Variants in UGT2B28 observed in about 807,000 individuals in gnomAD.
The protein encoded by UGT2B28 is UDP-glucuronosyltransferase 2B28.
In UGT2B28, 45 loss-of-function variants were observed where a neutral mutation model predicts 43.6. The ratio of observed to expected loss-of-function variants is 1.03; its 90% CI spans 0.81 to 1.32. The LOEUF is 1.32. Ranked by LOEUF, UGT2B28 falls within the 40% of genes most tolerant of loss-of-function variation. The pLI is 0.00. For missense variants in UGT2B28, 649 were observed against 625.5 expected, an observed-to-expected ratio of 1.04 and a Z score of -0.40; for synonymous variants, 204 against 208.1, an observed-to-expected ratio of 0.98 and a Z score of 0.17.
intron 1 of UGT2B28, 64 bp downstream of exon 1, chr4:69,281,285 A>T (rs183300326): frequency 0.027 from 37,621 of 1,418,928 alleles, 4,924 homozygotes; most frequent in Middle Eastern, 0.094. Flanking sequence ...AGCAGAGCTT[A>T]TATAAAGCCA....
intron 2 of UGT2B28, among the ~76,000 whole-genome samples, chr4:69,284,887 ATT>A (rs1213546775): frequency 1.4e-5 from 2 of 140,400 alleles, no homozygotes; most frequent in African/African-American, 5.5e-5. Context: ...AAAAATGCGT[ATT>A]GTTATTAATT....
In UGT2B28 at chr4:69,289,708, T is replaced by C. The variant is rs768379165; in HGVS notation, c.1046T>C (p.Leu349Pro). 1.9e-6 allele frequency: 3 copies of C among 1,562,192 alleles called. 1 individual carries two copies. The South Asian group carries it at 3.6e-5, about 19-fold the overall frequency. Reference sequence around the variant, plus strand: ...GGGAATAAACCAGATGCCTTAGGTCTCAATACTCGGCTGTATAAGTGGATA... The same window carrying C: ...GGGAATAAACCAGATGCCTTAGGTCCCAATACTCGGCTGTATAAGTGGATA... Reference protein sequence around the residue: ...FDGNKPDALGLNTRLYKWIPQ... With the variant: ...FDGNKPDALGPNTRLYKWIPQ... The change falls in exon 4 of 6, where the codon CTC becomes CCC. Residue 349 changes from leucine to proline, a missense_variant. By Grantham distance (98) the Leu-to-Pro change is moderately conservative. Transcript: ENST00000335568.
At position 69,287,842 on chromosome 4, in the gene UGT2B28, A is replaced by G. The variant is rs1411014555; in HGVS notation, c.1002+959A>G. On this transcript the variant is annotated intron_variant, in intron 3 of 5. Transcript: ENST00000335568. ...ATTACTTTTTAATTTCCTATCTGAT[A>G]AAGCTTTCTTGTAATGACCTCTAAC... Among the ~76,000 whole-genome samples the G allele has an allele frequency of 2.1e-5, 3 of 140,978 alleles. 1 individual carries two copies. Among genetic ancestry groups the G allele is most frequent in the African/African-American group, 5.5e-5 (2 of 36,140 alleles). The allele number at this position is 140,978 out of a possible 152,430, so 92.5% of individuals were successfully genotyped here.
rs751912306 is a variant in UGT2B28 at position 69,294,856 on chromosome 4, T to C, written c.*47T>C. On this transcript the variant is annotated 3_prime_UTR_variant, in exon 6 of 6. Transcript: ENST00000335568. ...GGAAAACCAGATAGATGGGTTGACATCAGTTTATTCCAGCAAGAAAGAAAA... is the reference window on the plus strand; with the variant it reads ...GGAAAACCAGATAGATGGGTTGACACCAGTTTATTCCAGCAAGAAAGAAAA... 3 of 1,483,666 alleles carry C rather than the reference T, an allele frequency of 2.0e-6. No individual in the cohort carries two copies. In the African/African-American group the frequency reaches 4.8e-5, roughly 24 times the overall value. 91.9% of individuals were successfully genotyped at this position (1,483,666 alleles called of 1,614,324 possible). A position where few individuals can be genotyped will look rare whatever the true frequency, so the allele number is the denominator to read the frequency against.
At position 69,294,930 on chromosome 4, in the gene UGT2B28, T is replaced by C; in HGVS notation, c.*121T>C. ...TTCCTGTGACAAAAAAAAAAACTTT[T>C]CAAAATCTACCTTGTCAAGTAAAAA... On this transcript the variant is annotated 3_prime_UTR_variant, in exon 6 of 6. Coordinates refer to ENST00000335568, the MANE Select transcript of UGT2B28 (RefSeq NM_053039.2). 7.8e-7 allele frequency: 1 copy of C among 1,290,148 alleles called. No individual in the cohort carries two copies. The highest frequency in any genetic ancestry group is 1.0e-6 in the Non-Finnish European group (1 of 997,976). 79.9% of individuals were successfully genotyped at this position (1,290,148 alleles called of 1,614,324 possible).
At position 69,290,090 on chromosome 4, in the gene UGT2B28, C is replaced by A. The variant is rs1259698077; in HGVS notation, c.1090+338C>A. Among the ~76,000 whole-genome samples the A allele has an allele frequency of 2.1e-5, 3 of 139,890 alleles. No individual in the cohort carries two copies. In the East Asian group the frequency reaches 6.1e-4, roughly 29 times the overall value. The allele number at this position is 139,890 out of a possible 152,430, so 91.8% of individuals were successfully genotyped here. On this transcript the variant is annotated intron_variant, in intron 4 of 5. Coordinates refer to ENST00000335568, the MANE Select transcript of UGT2B28 (RefSeq NM_053039.2). ...CTCTCCTGCAGGTTTATTTCAAATG[C>A]CAGTAAATATAATAGCTCTTCTATC... is the stretch of plus-strand genomic sequence containing the variant.
intron 2 of UGT2B28, among the ~76,000 whole-genome samples, chr4:69,283,985 T>A (rs2109685225): frequency 7.1e-6 from 1 of 141,218 alleles, no homozygotes; most frequent in Non-Finnish European, 1.5e-5. Flanking sequence ...CTTAAATATG[T>A]GCAGACAAAC....
At chr4:69,282,891 G>A (rs150581853) in intron 2 of UGT2B28, among the ~76,000 whole-genome samples, 1 of 139,556 alleles carries the variant, frequency 7.2e-6, no homozygotes, top group African/African-American at 2.8e-5. Flanking sequence ...TGAAAATAGG[G>A]TTGATTAAAG....
chr4:69,290,369 C>T (rs55836077), intron 4 of UGT2B28, among the ~76,000 whole-genome samples: 6,927 of 139,474 alleles, frequency 0.05, 1,196 homozygotes, highest in East Asian at 0.22. Context: ...TCATTAGTCC[C>T]GCTGAAAATC....
intron 2 of UGT2B28, among the ~76,000 whole-genome samples, chr4:69,284,450 C>T (rs1723710851): frequency 7.1e-6 from 1 of 140,118 alleles, no homozygotes. Context: ...ATTGTTAAAA[C>T]TCAGTATCTA....
Position 69,280,824 on chromosome 4 carries a change from T to C in UGT2B28, c.324T>C (p.Tyr108=). 2 of 1,564,730 alleles carry C rather than the reference T, an allele frequency of 1.3e-6. No individual in the cohort carries two copies. Among genetic ancestry groups the C allele is most frequent in the Non-Finnish European group, 1.7e-6 (2 of 1,157,092 alleles). The part of the protein sequence containing the change: ...SDIQKDSFWL[Y]FSQEQEILWE... The stretch of plus-strand genomic sequence containing the variant: ...TTCAAAAAGATAGCTTTTGGTTATA[T>C]TTTTCACAAGAACAAGAAATCCTGT... Residue 108 remains tyrosine (Y), a synonymous_variant, in exon 1 of 6, where the codon TAT becomes TAC. Transcript: ENST00000335568.
rs1355578111 is a variant in UGT2B28 at position 69,281,522 on chromosome 4, T to C, written c.721+301T>C. Among the ~76,000 whole-genome samples, 7 of 141,094 alleles carry C rather than the reference T, an allele frequency of 5.0e-5. 2 individuals are homozygous for C. The highest frequency in any genetic ancestry group is 1.9e-4 in the African/African-American group (7 of 36,176). The allele number at this position is 141,094 out of a possible 152,430, so 92.6% of individuals were successfully genotyped here. ...TTTTACTATATAATGTTTTAGATCT[T>C]AAAAACAGTGAAATCCATCAAGTAA... On this transcript the variant is annotated intron_variant, in intron 1 of 5. Coordinates refer to ENST00000335568, the MANE Select transcript of UGT2B28 (RefSeq NM_053039.2).
At chr4:69,289,597 T>C in intron 3 of UGT2B28, 68 bp from the exon 4 acceptor site, 1 of 1,367,480 alleles carries the variant, frequency 7.3e-7, no homozygotes, top group Non-Finnish European at 9.9e-7. Context: ...CTACCCTTTT[T>C]ACAGTTCTAA....
intron 3 of UGT2B28, among the ~76,000 whole-genome samples, chr4:69,288,450 A>C (rs1723843067): frequency 7.2e-6 from 1 of 139,822 alleles, no homozygotes; most frequent in South Asian, 2.4e-4. Flanking sequence ...AAATTTGGAG[A>C]TGAAAACTGA....
At position 69,289,587 on chromosome 4, in the gene UGT2B28, C is replaced by G; in HGVS notation, c.1003-78C>G. On this transcript the variant is annotated intron_variant, in intron 3 of 5. Transcript: ENST00000335568. ...TTACTAACATCCCTTGATCTCATTC[C>G]TACCCTTTTTACAGTTCTAACATTC... is the stretch of plus-strand genomic sequence containing the variant. 11 of 1,299,108 alleles carry G rather than the reference C, an allele frequency of 8.5e-6. 1 individual carries two copies. Among genetic ancestry groups the G allele is most frequent in the Non-Finnish European group, 1.1e-5 (11 of 959,362 alleles). 80.5% of individuals were successfully genotyped at this position (1,299,108 alleles called of 1,614,324 possible).
At position 69,290,724 on chromosome 4, in the gene UGT2B28, C is replaced by A. The variant is rs1723931322; in HGVS notation, c.1223C>A (p.Ala408Asp). Residue 408 changes from alanine to aspartate, a missense_variant, in exon 5 of 6, where the codon GCC becomes GAC. Coordinates refer to ENST00000335568, the MANE Select transcript of UGT2B28 (RefSeq NM_053039.2). The stretch of plus-strand genomic sequence containing the variant: ...CCTGATAACATTGCTCACATGAAGG[C>A]CAAGGGAGCAGCTGTTAGACTGGAC... ...DQPDNIAHMKAKGAAVRLDFH... is the reference protein window; with the variant it reads ...DQPDNIAHMKDKGAAVRLDFH... 6 of 1,559,276 alleles carry A rather than the reference C, an allele frequency of 3.8e-6. 2 individuals are homozygous for A. The highest frequency in any genetic ancestry group is 3.6e-5 in the Admixed American group (2 of 56,286).
chr4:69,294,227 C>T (rs4515230), intron 5 of UGT2B28, among the ~76,000 whole-genome samples: 61,123 of 135,712 alleles, frequency 0.45, 19,125 homozygotes, highest in Non-Finnish European at 0.53. Flanking sequence ...TTAATATGGA[C>T]CCACAAAAAC....
At chr4:69,284,428 A>G (rs777293875) in intron 2 of UGT2B28, among the ~76,000 whole-genome samples, 2 of 140,552 alleles carry the variant, frequency 1.4e-5, no homozygotes, top group Admixed American at 7.1e-5. Context: ...CATAAAACTG[A>G]TATTTTATTC....
In UGT2B28 at chr4:69,281,841, T is replaced by G. The variant is rs549459211; in HGVS notation, c.721+620T>G. On this transcript the variant is annotated intron_variant, in intron 1 of 5. Coordinates refer to ENST00000335568, the MANE Select transcript of UGT2B28 (RefSeq NM_053039.2). ...TCTTGTTGAAGTGTGAAGGTTGTTA[T>G]ATCTATATAGTTTATTTGAAACTAT... Among the ~76,000 whole-genome samples, 18 of 141,094 alleles carry G rather than the reference T, an allele frequency of 1.3e-4. 2 individuals carry two copies. Among genetic ancestry groups the G allele is most frequent in the East Asian group, 8.1e-4 (4 of 4,948 alleles). 92.6% of individuals were successfully genotyped at this position (141,094 alleles called of 152,430 possible).
Sources: allele counts gnomAD v4.1 joint callset (sites outside exome capture counted in the v4.1 genomes callset), GRCh38; gene constraint gnomAD v4.1.1; transcripts MANE v1.5; gene names NCBI Gene and HGNC (gene_info 2026-07-23, HGNC 2026-07-21).